The following COL5A2 variants were observed in gnomAD, a reference collection of about 807,000 sequenced individuals.
COL5A2 encodes the protein collagen alpha-2(V) chain.
Under a neutral mutation model 208.2 loss-of-function variants are expected in COL5A2, and 23 were observed. The ratio of observed to expected loss-of-function variants is 0.11; its 90% confidence interval spans 0.08 to 0.16. The LOEUF (loss-of-function observed/expected upper bound fraction) is 0.16. Ranked by LOEUF, COL5A2 falls within the 10% of genes least tolerant of loss-of-function variation. The pLI is 1.00. For missense variants in COL5A2, 1,590 were observed against 1,956.4 expected, an observed-to-expected ratio of 0.81 and a Z score of 3.53; for synonymous variants, 625 against 628.5, an observed-to-expected ratio of 0.99 and a Z score of 0.08.
At chr2:189,266,066 T>C in the COL5A2 span, among the ~76,000 whole-genome samples, 2 of 152,146 alleles carry the variant, frequency 1.3e-5, no homozygotes, top group South Asian at 4.1e-4. Context: ...CAAATGTCCA[T>C]CAACTGATGA....
intron 1 of COL5A2, among the ~76,000 whole-genome samples, chr2:189,203,979 G>C (rs1417281675): frequency 6.6e-6 from 1 of 151,670 alleles, no homozygotes; most frequent in African/African-American, 2.4e-5. Context: ...CTCACTGCAA[G>C]CTCTGCCTCC....
chr2:189,068,404 T>C (rs1686200920), intron 19 of COL5A2, 134 bp from the exon 20 acceptor site: 1 of 775,602 alleles, frequency 1.3e-6, no homozygotes, highest in Non-Finnish European at 2.2e-6. Flanking sequence ...CATTATATCA[T>C]AAAAATTACT....
At chr2:189,179,446 C>A in intron 1 of COL5A2, 62 bp downstream of exon 1, 3 of 1,558,646 alleles carry the variant, frequency 1.9e-6, no homozygotes, top group Non-Finnish European at 2.6e-6. Context: ...TGAGGCTTAA[C>A]ATTCCACCTA....
At chr2:189,258,481 C>A in the COL5A2 span, among the ~76,000 whole-genome samples, 1 of 152,256 alleles carries the variant, frequency 6.6e-6, no homozygotes, top group East Asian at 1.9e-4. Context: ...AACATCTGAT[C>A]ATTTTATTAG....
intron 5 of COL5A2, 78 bp from the exon 6 acceptor site, chr2:189,097,408 G>A: frequency 6.9e-7 from 1 of 1,446,692 alleles, no homozygotes; most frequent in Non-Finnish European, 9.7e-7. Context: ...CTTGATAAAA[G>A]AAAATTGGAA....
chr2:189,183,109 C>T (rs1688804541), upstream of COL5A2, among the ~76,000 whole-genome samples: 1 of 152,164 alleles, frequency 6.6e-6, no homozygotes, highest in Non-Finnish European at 1.5e-5. Context: ...CCTCCATCCC[C>T]ATATCAGGAT....
At chr2:189,156,453 T>G (rs916141697) in intron 1 of COL5A2, among the ~76,000 whole-genome samples, 1 of 152,216 alleles carries the variant, frequency 6.6e-6, no homozygotes, top group Admixed American at 6.5e-5. Flanking sequence ...TCATTCTTTT[T>G]AATATATTAC....
At chr2:189,437,123 G>A in the COL5A2 span, among the ~76,000 whole-genome samples, 3 of 152,180 alleles carry the variant, frequency 2.0e-5, no homozygotes, top group African/African-American at 7.2e-5. Context: ...GAATGATCTA[G>A]GGTAAGTTAG....
At chr2:189,110,136 T>C (rs1427740385) in intron 2 of COL5A2, 89 bp downstream of exon 2, 4 of 1,004,152 alleles carry the variant, frequency 4.0e-6, no homozygotes, top group Non-Finnish European at 4.8e-6. Flanking sequence ...AATTATTCTC[T>C]TGAGTTGCTG....
At chr2:189,256,046 A>G in the COL5A2 span, among the ~76,000 whole-genome samples, 1 of 152,328 alleles carries the variant, frequency 6.6e-6, no homozygotes, top group East Asian at 1.9e-4. Flanking sequence ...GTTATTTACT[A>G]CACATTCAGA....
chr2:189,080,078 T>C, intron 13 of COL5A2, 47 bp from the exon 14 acceptor site: 1 of 1,469,284 alleles, frequency 6.8e-7, no homozygotes, highest in Non-Finnish European at 9.5e-7. Context: ...TTTTTTTCAA[T>C]CCTCAAAGGC....
At chr2:189,208,964 T>C (rs1433282022) in intron 1 of COL5A2, among the ~76,000 whole-genome samples, 2 of 152,194 alleles carry the variant, frequency 1.3e-5, no homozygotes, top group Non-Finnish European at 2.9e-5. Flanking sequence ...TTTTTTTGGC[T>C]TTCCCACAAC....
the COL5A2 span, among the ~76,000 whole-genome samples, chr2:189,309,796 T>C: frequency 0.037 from 5,615 of 152,308 alleles, 118 homozygotes; most frequent in Admixed American, 0.05. Context: ...GACTTTTGTC[T>C]GTGCTTCTGC....
At chr2:189,435,457 A>G in the COL5A2 span, among the ~76,000 whole-genome samples, 24 of 152,212 alleles carry the variant, frequency 1.6e-4, no homozygotes, top group Admixed American at 4.6e-4. Flanking sequence ...CAGAATCTAC[A>G]AAGAACTCAA....
the COL5A2 span, among the ~76,000 whole-genome samples, chr2:189,314,121 C>T: frequency 6.6e-6 from 1 of 152,096 alleles, no homozygotes; most frequent in Non-Finnish European, 1.5e-5. Flanking sequence ...AACTCTCCAC[C>T]CAAAAGCAAC....
At chr2:189,204,902 G>A (rs995795244) in intron 1 of COL5A2, among the ~76,000 whole-genome samples, 8 of 152,116 alleles carry the variant, frequency 5.3e-5, no homozygotes, top group Non-Finnish European at 1.0e-4. Flanking sequence ...GGGATCTCCT[G>A]GTAGATATTA....
At chr2:189,406,892 G>A in the COL5A2 span, among the ~76,000 whole-genome samples, 1 of 152,014 alleles carries the variant, frequency 6.6e-6, no homozygotes, top group Non-Finnish European at 1.5e-5. Context: ...TAATTTATAG[G>A]TGCTGAAGAA....
At chr2:189,430,339 A>T in the COL5A2 span, among the ~76,000 whole-genome samples, 1 of 152,224 alleles carries the variant, frequency 6.6e-6, no homozygotes, top group Non-Finnish European at 1.5e-5. Flanking sequence ...ATACAGCTAC[A>T]TGAGTGAGAG....
the COL5A2 span, among the ~76,000 whole-genome samples, chr2:189,310,063 C>T: frequency 6.6e-6 from 1 of 152,090 alleles, no homozygotes; most frequent in Non-Finnish European, 1.5e-5. Context: ...AAATAATGAG[C>T]TTAATCATTC....
Sources: allele counts gnomAD v4.1 joint callset (sites outside exome capture counted in the v4.1 genomes callset), GRCh38; gene constraint gnomAD v4.1.1; transcripts MANE v1.5; gene names NCBI Gene and HGNC (gene_info 2026-07-23, HGNC 2026-07-21).